ARIH1: variants seen among roughly 807,000 people sequenced by gnomAD.
The protein encoded by ARIH1 is ariadne RBR E3 ubiquitin protein ligase 1, also known as E3 ubiquitin-protein ligase ARIH1.
ARIH1 carries 8 observed loss-of-function variants against 85.0 expected under a neutral mutation model. The observed-to-expected ratio is 0.09, with a 90% CI of 0.06 to 0.17. The LOEUF is 0.17. Among genes scored for constraint, ARIH1 ranks in the 10% least tolerant of loss-of-function variants. The pLI, the probability that ARIH1 is intolerant of heterozygous loss-of-function variation, is 1.00. For missense variants in ARIH1, 311 were observed against 718.1 expected (o/e 0.43, Z 6.48); for synonymous variants, 238 against 253.6 (o/e 0.94, Z 0.59).
At chr15:72,577,094 T>A (rs780703126) in intron 11 of ARIH1, among the ~76,000 whole-genome samples, 1 of 152,002 alleles carries the variant, frequency 6.6e-6, no homozygotes, top group Non-Finnish European at 1.5e-5. Flanking sequence ...GCGATTCTCC[T>A]GCCTCAGCCT....
intron 1 of ARIH1, among the ~76,000 whole-genome samples, chr15:72,508,089 G>A (rs760124973): frequency 6.6e-6 from 1 of 152,164 alleles, no homozygotes; most frequent in African/African-American, 2.4e-5. Flanking sequence ...ATTGCTGGGG[G>A]CAAAGCCCAA....
chr15:72,527,050 T>G (rs1207230123), intron 2 of ARIH1, among the ~76,000 whole-genome samples: 3 of 152,200 alleles, frequency 2.0e-5, no homozygotes, highest in Non-Finnish European at 4.4e-5. Context: ...TATCATGATT[T>G]TTGTGGGATA....
At chr15:72,485,126 C>A (rs556844181) in intron 1 of ARIH1, among the ~76,000 whole-genome samples, 16 of 152,258 alleles carry the variant, frequency 1.1e-4, no homozygotes, top group African/African-American at 3.4e-4. Flanking sequence ...CCATTCTTGG[C>A]GTGACTGAAG....
Position 72,524,385 on chromosome 15 carries a change from T to G in ARIH1, c.443+6251T>G, listed in dbSNP as rs1239419319. On this transcript the variant is annotated intron_variant, in intron 2 of 13. Coordinates refer to ENST00000379887, the MANE Select transcript of ARIH1 (RefSeq NM_005744.5). ...TGCGCCACCATGCCTAGCTAATGTT[T>G]GTATTTTTTGGTAGAGATGGGGTTT... 1.3e-5 allele frequency among the ~76,000 whole-genome samples: 2 copies of G among 151,928 alleles called. 1 individual carries two copies. The highest frequency in any genetic ancestry group is 4.2e-4 in the South Asian group (2 of 4,812).
intron 1 of ARIH1, among the ~76,000 whole-genome samples, chr15:72,480,138 G>A (rs931936216): frequency 6.6e-6 from 1 of 152,074 alleles, no homozygotes; most frequent in Non-Finnish European, 1.5e-5. Flanking sequence ...CAAAGTGCTG[G>A]GATTACAGGC....
intron 1 of ARIH1, among the ~76,000 whole-genome samples, chr15:72,506,870 T>C (rs2063928151): frequency 6.6e-6 from 1 of 152,124 alleles, no homozygotes; most frequent in African/African-American, 2.4e-5. Context: ...TTTTTTTACT[T>C]AGCTTTATCC....
In ARIH1 at chr15:72,475,020, G is replaced by A; in HGVS notation, c.375+6G>A. 2 of 1,552,276 alleles carry A rather than the reference G, an allele frequency of 1.3e-6. No individual in the cohort carries two copies. Among genetic ancestry groups the A allele is most frequent in the Non-Finnish European group, 1.7e-6 (2 of 1,147,460 alleles). On this transcript the variant is annotated splice_donor_region_variant and intron_variant, in intron 1 of 13. Coordinates refer to ENST00000379887, the MANE Select transcript of ARIH1 (RefSeq NM_005744.5). ...AGGTCAACGAGGTCATCCAGGTGAG[G>A]GTGGCCGCCGCGCCAGCTGGACCGG...
intron 5 of ARIH1, 49 bp from the exon 6 acceptor site, chr15:72,561,434 A>G (rs758823842): frequency 7.4e-7 from 1 of 1,350,836 alleles, no homozygotes; most frequent in Non-Finnish European, 1.0e-6. Flanking sequence ...AAATGTGGAA[A>G]ATACTCTTGA....
At chr15:72,487,554 C>G (rs180976672) in intron 1 of ARIH1, among the ~76,000 whole-genome samples, 462 of 152,234 alleles carry the variant, frequency 3.0e-3, no homozygotes, top group Non-Finnish European at 5.5e-3. Flanking sequence ...AATACCTTCT[C>G]TCTTTGAGGC....
At chr15:72,555,967 T>G in intron 5 of ARIH1, 60 bp downstream of exon 5, 3 of 1,446,416 alleles carry the variant, frequency 2.1e-6, no homozygotes, top group Non-Finnish European at 2.9e-6. Flanking sequence ...ACCAAATTAA[T>G]TTTTACTTAG....
chr15:72,567,923 A>G (rs2064228072), intron 9 of ARIH1, among the ~76,000 whole-genome samples: 1 of 152,198 alleles, frequency 6.6e-6, no homozygotes, highest in South Asian at 2.1e-4. Flanking sequence ...ATATAAAGCT[A>G]TCTTTGAACT....
At chr15:72,495,341 CTTTT>C (rs2063875687) in intron 1 of ARIH1, among the ~76,000 whole-genome samples, 1 of 152,100 alleles carries the variant, frequency 6.6e-6, no homozygotes, top group African/African-American at 2.4e-5. Flanking sequence ...CACTGAACTA[CTTTT>C]GAGAGTTAAT....
chr15:72,581,582 T>C (rs1209661959), intron 12 of ARIH1: 3 of 160,014 alleles, frequency 1.9e-5, no homozygotes, highest in Non-Finnish European at 4.2e-5. Flanking sequence ...GATATCTGTA[T>C]ATGACTAGAC....
intron 3 of ARIH1, among the ~76,000 whole-genome samples, chr15:72,549,088 C>CT (rs528063272): frequency 0.053 from 7,449 of 139,296 alleles, 294 homozygotes; most frequent in African/African-American, 0.085. Context: ...CTCTCTCTCT[C>CT]TTTTTTTTTT....
chr15:72,511,997 G>A (rs1224681084), intron 1 of ARIH1, among the ~76,000 whole-genome samples: 3 of 152,214 alleles, frequency 2.0e-5, no homozygotes, highest in South Asian at 2.1e-4. Context: ...AAAACTATCC[G>A]TGCAATCCCA....
chr15:72,555,929 T>C, intron 5 of ARIH1, 22 bp downstream of exon 5: 2 of 1,598,032 alleles, frequency 1.3e-6, no homozygotes, highest in East Asian at 2.2e-5. Flanking sequence ...TGATAGATTC[T>C]GCATGTGAAT....
intron 5 of ARIH1, among the ~76,000 whole-genome samples, chr15:72,557,845 C>T (rs757741610): frequency 1.1e-4 from 16 of 152,054 alleles, no homozygotes; most frequent in Non-Finnish European, 2.4e-4. Context: ...TGGCGCTTAC[C>T]TTGAATGTTA....
chr15:72,490,057 T>C (rs560244023), intron 1 of ARIH1, among the ~76,000 whole-genome samples: 266 of 152,002 alleles, frequency 1.7e-3, no homozygotes, highest in African/African-American at 6.1e-3. Context: ...GTAATACGTA[T>C]AGTCACCACA....
chr15:72,555,236 A>G, intron 3 of ARIH1, 35 bp from the exon 4 acceptor site: 1 of 1,494,250 alleles, frequency 6.7e-7, no homozygotes, highest in Non-Finnish European at 9.3e-7. Context: ...TTCTGATAAT[A>G]CCTTTGTTAA....
Sources: gnomAD v4.1 joint callset for allele counts (sites outside exome capture counted in the v4.1 genomes callset) on GRCh38, gnomAD v4.1.1 for gene constraint, MANE v1.5 for transcripts, NCBI Gene and HGNC (gene_info 2026-07-23, HGNC 2026-07-21) for gene names.